The following LRP1B variants were observed in gnomAD, a reference collection of about 807,000 sequenced individuals.
LRP1B encodes LDL receptor related protein 1B, also known as low-density lipoprotein receptor-related protein 1B.
A neutral mutation model predicts 556.6 loss-of-function variants in LRP1B; 217 were observed. The observed-to-expected ratio is 0.39, with a 90% CI of 0.35 to 0.44. The LOEUF (loss-of-function observed/expected upper bound fraction) is 0.44. Ranked by LOEUF, LRP1B falls within the 20% of genes least tolerant of loss-of-function variation. LRP1B has a pLI of 1.00. For synonymous variants in LRP1B, 2,047 were observed against 1,865.8 expected, an observed-to-expected ratio of 1.10 and a Z score of -2.50; for missense variants, 5,053 against 5,620.8, an observed-to-expected ratio of 0.90 and a Z score of 3.23.
intron 18 of LRP1B, among the ~76,000 whole-genome samples, chr2:140,962,187 G>A (rs1016541610): frequency 3.9e-5 from 6 of 152,182 alleles, no homozygotes; most frequent in Non-Finnish European, 7.3e-5. Context: ...CAGAGGAAAA[G>A]TATAAATTAT....
intron 1 of LRP1B, among the ~76,000 whole-genome samples, chr2:142,082,804 C>T (rs1176399335): frequency 6.6e-6 from 1 of 151,930 alleles, no homozygotes; most frequent in Non-Finnish European, 1.5e-5. Context: ...TCATCTATGC[C>T]CAAAATAAAA....
At position 140,960,734 on chromosome 2, in the gene LRP1B, AG is replaced by A. The variant is rs543475843; in HGVS notation, c.2888-8795del. ...TTATTTGTGAGCACTCACCTCTAAA[AG>A]TAAGATGTCCTAATATTTTATTGAA... On this transcript the variant is annotated intron_variant, in intron 18 of 90. Transcript: ENST00000389484. Among the ~76,000 whole-genome samples the A allele has an allele frequency of 1.3e-3, 191 of 152,008 alleles. 1 individual carries two copies. The highest frequency in any genetic ancestry group is 4.3e-3 in the African/African-American group (177 of 41,568).
intron 1 of LRP1B, among the ~76,000 whole-genome samples, chr2:141,913,613 C>A (rs1302762061): frequency 6.6e-6 from 1 of 152,052 alleles, no homozygotes; most frequent in African/African-American, 2.4e-5. Context: ...GTAAGGAATA[C>A]CCCACTTGGA....
At chr2:141,174,581 C>T (rs1448703829) in intron 7 of LRP1B, among the ~76,000 whole-genome samples, 2 of 152,018 alleles carry the variant, frequency 1.3e-5, no homozygotes, top group Non-Finnish European at 2.9e-5. Flanking sequence ...TTGTAAGTTT[C>T]CTGAGGCCTC....
At chr2:141,834,138 G>A (rs536376870) in intron 1 of LRP1B, among the ~76,000 whole-genome samples, 1 of 151,968 alleles carries the variant, frequency 6.6e-6, no homozygotes, top group South Asian at 2.1e-4. Context: ...ATGTTTTGAA[G>A]GGCTGCATTT....
At chr2:140,965,275 T>C (rs1221251065) in intron 18 of LRP1B, among the ~76,000 whole-genome samples, 1 of 152,148 alleles carries the variant, frequency 6.6e-6, no homozygotes, top group East Asian at 1.9e-4. Flanking sequence ...GTATTTCTTG[T>C]GGTTCTGCTT....
chr2:141,772,572 C>G (rs1195567362), intron 2 of LRP1B, among the ~76,000 whole-genome samples: 1 of 152,140 alleles, frequency 6.6e-6, no homozygotes, highest in Non-Finnish European at 1.5e-5. Flanking sequence ...CACAAGACCT[C>G]CAGTTGATTA....
chr2:140,987,572 G>A (rs1201515802), intron 17 of LRP1B, among the ~76,000 whole-genome samples: 1 of 152,044 alleles, frequency 6.6e-6, no homozygotes, highest in Non-Finnish European at 1.5e-5. Context: ...TAATAGTAAT[G>A]AAGTAAACAT....
chr2:140,599,750 G>C (rs1311496455), intron 42 of LRP1B, among the ~76,000 whole-genome samples: 1 of 152,062 alleles, frequency 6.6e-6, no homozygotes, highest in Admixed American at 6.6e-5. Flanking sequence ...TATAATAAGA[G>C]AATTTTAGAG....
chr2:141,646,044 C>G (rs1217783793), intron 2 of LRP1B, among the ~76,000 whole-genome samples: 4 of 151,996 alleles, frequency 2.6e-5, no homozygotes, highest in African/African-American at 9.7e-5. Flanking sequence ...TGTCATGTAC[C>G]CTGATTTAAG....
At chr2:141,814,598 T>G (rs978775390) in intron 1 of LRP1B, among the ~76,000 whole-genome samples, 1 of 152,214 alleles carries the variant, frequency 6.6e-6, no homozygotes, top group Non-Finnish European at 1.5e-5. Context: ...AAATATTATG[T>G]TCACCATCTA....
At chr2:140,276,618 GGCA>G (rs1682682979) in intron 84 of LRP1B, among the ~76,000 whole-genome samples, 1 of 151,896 alleles carries the variant, frequency 6.6e-6, no homozygotes, top group African/African-American at 2.4e-5. Flanking sequence ...ACCTTCTTTA[GGCA>G]GGTTGCAAGA....
intron 41 of LRP1B, among the ~76,000 whole-genome samples, chr2:140,664,973 A>G (rs1685216993): frequency 6.6e-6 from 1 of 152,188 alleles, no homozygotes; most frequent in African/African-American, 2.4e-5. Context: ...CTTTAAAAAT[A>G]ATCACTTTTA....
intron 1 of LRP1B, among the ~76,000 whole-genome samples, chr2:142,043,431 A>G (rs187025542): frequency 6.6e-6 from 1 of 151,606 alleles, no homozygotes; most frequent in Non-Finnish European, 1.5e-5. Context: ...GTGACATTTC[A>G]TTTTACACAG....
At chr2:140,461,895 TA>T (rs1329452578) in intron 60 of LRP1B, among the ~76,000 whole-genome samples, 1 of 151,984 alleles carries the variant, frequency 6.6e-6, no homozygotes, top group Non-Finnish European at 1.5e-5. Context: ...AAGTAAAAAA[TA>T]GGATATAGAA....
At chr2:140,987,464 C>A (rs1452710504) in intron 17 of LRP1B, among the ~76,000 whole-genome samples, 1 of 152,178 alleles carries the variant, frequency 6.6e-6, no homozygotes, top group South Asian at 2.1e-4. Context: ...TTTATTTGCT[C>A]TTATACATAA....
rs570524938 is a variant in LRP1B at position 140,264,879 on chromosome 2, A to T, written c.13247+5363T>A. 1.4e-4 allele frequency among the ~76,000 whole-genome samples: 22 copies of T among 152,208 alleles called. No individual in the cohort carries two copies. The South Asian group carries it at 4.4e-3, about 30-fold the overall frequency. On this transcript the variant is annotated intron_variant, in intron 86 of 90. Coordinates refer to ENST00000389484, the MANE Select transcript of LRP1B (RefSeq NM_018557.3). ...TGAGATAATAAGAGTTAACTAGAAA[A>T]AAAGGAAGAAGACACATTTGGGTTC...
rs368605045 is a variant in LRP1B, at chr2:141,030,181, T to C, written c.1790-10079A>G. Among the ~76,000 whole-genome samples the C allele has an allele frequency of 3.5e-4, 53 of 152,208 alleles. 1 individual carries two copies. The highest frequency in any genetic ancestry group is 1.3e-3 in the African/African-American group (52 of 41,508). ...TATGTTTCTGTGGCTAGTACAGTAG[T>C]AAATACAAATTACTTTTTTCAAATA... On this transcript the variant is annotated intron_variant, in intron 11 of 90. Transcript: ENST00000389484.
chr2:140,993,643 G>A (rs1276078475), intron 16 of LRP1B, among the ~76,000 whole-genome samples: 2 of 151,930 alleles, frequency 1.3e-5, no homozygotes, highest in African/African-American at 4.8e-5. Flanking sequence ...TTTGTCTTGA[G>A]GGAATTTAAA....
Sources: allele counts gnomAD v4.1 joint callset (sites outside exome capture counted in the v4.1 genomes callset), GRCh38; gene constraint gnomAD v4.1.1; transcripts MANE v1.5; gene names NCBI Gene and HGNC (gene_info 2026-07-23, HGNC 2026-07-21).